The following GPC5 variants were observed in gnomAD, a reference collection of about 807,000 sequenced individuals.
GPC5 encodes glypican-5.
A neutral mutation model predicts 53.9 loss-of-function variants in GPC5; 47 were observed. The ratio of observed to expected loss-of-function variants is 0.87; its 90% confidence interval spans 0.69 to 1.11. The LOEUF (loss-of-function observed/expected upper bound fraction) is 1.11. GPC5 is among the 50% of genes most tolerant of loss of function. The pLI, the probability that GPC5 is intolerant of heterozygous loss-of-function variation, is 0.00. For missense variants in GPC5, 748 were observed against 713.1 expected (o/e 1.05, Z -0.56); for synonymous variants, 286 against 263.3 (o/e 1.09, Z -0.84).
chr13:92,719,436 A>C (rs1888439000), intron 7 of GPC5, among the ~76,000 whole-genome samples: 1 of 152,182 alleles, frequency 6.6e-6, no homozygotes, highest in Admixed American at 6.5e-5. Context: ...CTAGGCATTG[A>C]ATAATTGCTT....
At chr13:92,342,394 C>A (rs1321518085) in intron 7 of GPC5, among the ~76,000 whole-genome samples, 1 of 152,082 alleles carries the variant, frequency 6.6e-6, no homozygotes, top group African/African-American at 2.4e-5. Context: ...TGTTTAAACC[C>A]ATCCCCAATA....
At chr13:91,755,182 GAGCTGACAAAATGAGATTTCATTT>G (rs2037262942) in intron 4 of GPC5, among the ~76,000 whole-genome samples, 1 of 151,986 alleles carries the variant, frequency 6.6e-6, no homozygotes, top group African/African-American at 2.4e-5. Context: ...TTGAGTAACA[GAGCTGACAAAATGAGATTTCATTT>G]TTAAAAAATT....
At chr13:91,414,471 G>A (rs1878037067) in intron 1 of GPC5, among the ~76,000 whole-genome samples, 1 of 152,160 alleles carries the variant, frequency 6.6e-6, no homozygotes, top group Admixed American at 6.5e-5. Flanking sequence ...CTAATACAGT[G>A]ATGTTTCCAT....
chr13:92,589,763 T>G (rs929970984), intron 7 of GPC5, among the ~76,000 whole-genome samples: 1 of 152,240 alleles, frequency 6.6e-6, no homozygotes, highest in South Asian at 2.1e-4. Context: ...GAAGTCCACA[T>G]AGGATTCAGA....
intron 7 of GPC5, among the ~76,000 whole-genome samples, chr13:92,539,326 G>A (rs1016417667): frequency 6.6e-6 from 1 of 151,914 alleles, no homozygotes; most frequent in Non-Finnish European, 1.5e-5. Context: ...ATCTTCTCCA[G>A]CATCTGTTGT....
At chr13:91,677,969 A>G (rs1423259277) in intron 2 of GPC5, among the ~76,000 whole-genome samples, 1 of 152,190 alleles carries the variant, frequency 6.6e-6, no homozygotes, top group African/African-American at 2.4e-5. Flanking sequence ...AGTAAAACAG[A>G]CTGTTCTTGG....
intron 5 of GPC5, among the ~76,000 whole-genome samples, chr13:91,812,947 AT>A (rs1031264594): frequency 1.3e-5 from 2 of 152,192 alleles, no homozygotes; most frequent in African/African-American, 4.8e-5. Context: ...CAGAGCCCAA[AT>A]GAAGTCTGTA....
chr13:92,465,823 A>T (rs1287684167), intron 7 of GPC5, among the ~76,000 whole-genome samples: 1 of 152,054 alleles, frequency 6.6e-6, no homozygotes, highest in African/African-American at 2.4e-5. Context: ...CTATTGTCTG[A>T]ATCTAGATGA....
intron 5 of GPC5, among the ~76,000 whole-genome samples, chr13:91,806,284 C>T (rs1044217674): frequency 3.3e-5 from 5 of 151,842 alleles, no homozygotes; most frequent in African/African-American, 4.8e-5. Context: ...ATCCACCCAC[C>T]TTGGCCTCCC....
At chr13:91,428,604 T>A (rs569263448) in intron 1 of GPC5, among the ~76,000 whole-genome samples, 1 of 152,214 alleles carries the variant, frequency 6.6e-6, no homozygotes, top group East Asian at 1.9e-4. Context: ...GAAGGTTGAG[T>A]TTCACTGGGG....
At chr13:92,373,819 T>C (rs1048680068) in intron 7 of GPC5, among the ~76,000 whole-genome samples, 4 of 152,184 alleles carry the variant, frequency 2.6e-5, no homozygotes, top group African/African-American at 9.7e-5. Flanking sequence ...GGACAAATTC[T>C]GCCACAACTA....
At chr13:92,549,911 A>T (rs1882252071) in intron 7 of GPC5, among the ~76,000 whole-genome samples, 1 of 146,160 alleles carries the variant, frequency 6.8e-6, no homozygotes, top group African/African-American at 2.7e-5. Flanking sequence ...ACACACACAC[A>T]CACACACACA....
chr13:92,339,937 A>G (rs1346402332), intron 7 of GPC5: 1 of 152,154 alleles, frequency 6.6e-6, no homozygotes, highest in African/African-American at 2.4e-5. Flanking sequence ...GTAAACTTTC[A>G]AAAACATTTC....
In GPC5 at chr13:92,381,988, A is replaced by G. The variant is rs182845288; in HGVS notation, c.1561+236999A>G. ...TATCTATCTATCTATCTATCTATCTATCTATCTATCTATCTATATATCTAT... is the reference window on the plus strand; with the variant it reads ...TATCTATCTATCTATCTATCTATCTGTCTATCTATCTATCTATATATCTAT... On this transcript the variant is annotated intron_variant, in intron 7 of 7. Transcript: ENST00000377067. 1.8e-3 allele frequency among the ~76,000 whole-genome samples: 267 copies of G among 146,930 alleles called. 3 individuals carry two copies. The highest frequency in any genetic ancestry group is 6.4e-3 in the African/African-American group (257 of 40,106).
chr13:91,766,949 T>G (rs543515606), intron 5 of GPC5, among the ~76,000 whole-genome samples: 45 of 152,334 alleles, frequency 3.0e-4, no homozygotes, highest in African/African-American at 1.0e-3. Context: ...ATCCTAGATA[T>G]AACATAGTCA....
At chr13:92,088,848 T>C (rs1422328144) in intron 6 of GPC5, among the ~76,000 whole-genome samples, 2 of 152,328 alleles carry the variant, frequency 1.3e-5, no homozygotes, top group South Asian at 2.1e-4. Flanking sequence ...CAGCAAAGAA[T>C]ATACAGCTTT....
At chr13:92,056,340 C>T (rs1240631972) in intron 6 of GPC5, among the ~76,000 whole-genome samples, 2 of 152,130 alleles carry the variant, frequency 1.3e-5, no homozygotes, top group Non-Finnish European at 2.9e-5. Flanking sequence ...ACACTGGGCT[C>T]ACCCTGATAA....
intron 6 of GPC5, among the ~76,000 whole-genome samples, chr13:91,972,629 G>T (rs1387691523): frequency 6.6e-6 from 1 of 151,130 alleles, no homozygotes; most frequent in Admixed American, 6.6e-5. Context: ...CATGTTTAGT[G>T]CTTCCTTCAG....
intron 1 of GPC5, among the ~76,000 whole-genome samples, chr13:91,422,484 A>C (rs906229433): frequency 6.6e-6 from 1 of 152,078 alleles, no homozygotes; most frequent in African/African-American, 2.4e-5. Flanking sequence ...AAAAATACAA[A>C]AATTAACCAG....
Sources: gnomAD v4.1 joint callset for allele counts (sites outside exome capture counted in the v4.1 genomes callset) on GRCh38, gnomAD v4.1.1 for gene constraint, MANE v1.5 for transcripts, NCBI Gene and HGNC (gene_info 2026-07-23, HGNC 2026-07-21) for gene names.